Variants in NHSL1 observed in about 807,000 individuals in gnomAD.
NHSL1 encodes the protein NHS-like protein 1.
Under a neutral mutation model 95.0 loss-of-function variants are expected in NHSL1, and 48 were observed. The observed-to-expected ratio is 0.51, with a 90% CI of 0.40 to 0.64. NHSL1 has a LOEUF of 0.64. NHSL1 is among the 30% of genes least tolerant of loss of function. NHSL1 has a pLI of 0.00. For missense variants in NHSL1, 1,971 were observed against 2,077.7 expected (o/e 0.95, Z 1.00); for synonymous variants, 783 against 833.9 (o/e 0.94, Z 1.05).
At chr6:138,491,391 G>T (rs553522601) in intron 2 of NHSL1, among the ~76,000 whole-genome samples, 3 of 152,260 alleles carry the variant, frequency 2.0e-5, no homozygotes, top group African/African-American at 7.2e-5. Flanking sequence ...GTTGTCAAAT[G>T]AAGTCTACAG....
intron 4 of NHSL1, among the ~76,000 whole-genome samples, chr6:138,445,531 A>C (rs1185918765): frequency 6.6e-6 from 1 of 152,218 alleles, no homozygotes; most frequent in African/African-American, 2.4e-5. Context: ...TTTAAGTAAA[A>C]TAAATGTGGA....
At chr6:138,500,031 T>C (rs1286643166), upstream of NHSL1, among the ~76,000 whole-genome samples, 1 of 151,980 alleles carries the variant, frequency 6.6e-6, no homozygotes, top group Non-Finnish European at 1.5e-5. Flanking sequence ...GAATCAGCAT[T>C]GTGTGTTCCA....
intron 1 of NHSL1, among the ~76,000 whole-genome samples, chr6:138,568,766 T>C (rs955723933): frequency 7.2e-5 from 11 of 152,302 alleles, no homozygotes; most frequent in African/African-American, 2.6e-4. Flanking sequence ...TGCATACTAG[T>C]AGCTTCTAAT....
intron 1 of NHSL1, among the ~76,000 whole-genome samples, chr6:138,643,023 T>C (rs1329087894): frequency 5.3e-5 from 8 of 152,162 alleles, no homozygotes; most frequent in Non-Finnish European, 8.8e-5. Flanking sequence ...ATCCCTACCA[T>C]GAGCTTAAAA....
intron 3 of NHSL1, among the ~76,000 whole-genome samples, chr6:138,469,948 T>C (rs771411926): frequency 5.9e-5 from 9 of 151,932 alleles, no homozygotes; most frequent in Non-Finnish European, 1.3e-4. Context: ...AAGAGAAGAA[T>C]GTTAAGGAAA....
chr6:138,472,538 G>T (rs1227585286), intron 3 of NHSL1, among the ~76,000 whole-genome samples: 1 of 152,152 alleles, frequency 6.6e-6, no homozygotes, highest in East Asian at 1.9e-4. Context: ...TAATTCCATT[G>T]AAAGTTTTTA....
chr6:138,524,836 T>C (rs1781833203), intron 1 of NHSL1, among the ~76,000 whole-genome samples: 1 of 152,098 alleles, frequency 6.6e-6, no homozygotes, highest in African/African-American at 2.4e-5. Flanking sequence ...CACAAAAAAA[T>C]ATTGAAGGAT....
intron 1 of NHSL1, among the ~76,000 whole-genome samples, chr6:138,634,992 A>T (rs1171640148): frequency 6.6e-6 from 1 of 152,066 alleles, no homozygotes; most frequent in African/African-American, 2.4e-5. Context: ...CTTAAATGAT[A>T]ATGGAAATAC....
rs1482991775 is a variant in NHSL1, at chr6:138,433,090, A to G, written c.1255T>C (p.Ser419Pro). The G allele has an allele frequency of 9.0e-6, 14 of 1,551,092 alleles. No individual in the cohort carries two copies. The South Asian group carries it at 1.4e-4, about 16-fold the overall frequency. Residue 419 changes from serine (S) to proline (P), a missense_variant, in exon 6 of 8, where the codon TCT becomes CCT. Transcript: ENST00000343505. ...STSIIPNATL[S>P]SSSEVIAIPT... ...ATAGCGATGACCTCGGAAGAGGAAG[A>G]CAGTGTGGCATTTGGGATGATGCTG...
chr6:138,602,510 T>G (rs1475793739), intron 1 of NHSL1, among the ~76,000 whole-genome samples: 2 of 152,036 alleles, frequency 1.3e-5, no homozygotes, highest in Non-Finnish European at 2.9e-5. Flanking sequence ...CCCAGCTAAT[T>G]TTTGTATTTT....
At chr6:138,599,305 A>G (rs565797213) in intron 1 of NHSL1, among the ~76,000 whole-genome samples, 4 of 152,190 alleles carry the variant, frequency 2.6e-5, no homozygotes, top group Non-Finnish European at 5.9e-5. Context: ...TGAGGTCAAG[A>G]GTTCGAGACC....
chr6:138,566,185 G>A (rs1333310733), intron 1 of NHSL1, among the ~76,000 whole-genome samples: 1 of 151,954 alleles, frequency 6.6e-6, no homozygotes, highest in Non-Finnish European at 1.5e-5. Flanking sequence ...ATCACCTGAG[G>A]TCAGGAGTTC....
At chr6:138,437,074 C>T (rs1277984018) in intron 5 of NHSL1, among the ~76,000 whole-genome samples, 2 of 151,874 alleles carry the variant, frequency 1.3e-5, no homozygotes, top group East Asian at 3.9e-4. Flanking sequence ...GAGTTCGAGA[C>T]CAGCCTGAAC....
chr6:138,434,591 A>G (rs1426224255), intron 5 of NHSL1, among the ~76,000 whole-genome samples: 2 of 152,186 alleles, frequency 1.3e-5, no homozygotes, highest in East Asian at 3.8e-4. Context: ...ACTGAGAAAA[A>G]AAAAAGTCAA....
intron 1 of NHSL1, among the ~76,000 whole-genome samples, chr6:138,629,678 C>G (rs971067189): frequency 6.6e-6 from 1 of 152,164 alleles, no homozygotes; most frequent in Non-Finnish European, 1.5e-5. Context: ...CCACCACGCC[C>G]GGCCTTACAT....
intron 3 of NHSL1, among the ~76,000 whole-genome samples, chr6:138,449,874 C>G (rs1437813675): frequency 6.6e-6 from 1 of 152,040 alleles, no homozygotes; most frequent in Non-Finnish European, 1.5e-5. Flanking sequence ...AAATAAAACA[C>G]ATAAAATGAT....
intron 1 of NHSL1, among the ~76,000 whole-genome samples, chr6:138,619,657 C>T (rs528223491): frequency 6.6e-6 from 1 of 152,188 alleles, no homozygotes; most frequent in Admixed American, 6.5e-5. Context: ...CATGGTGACT[C>T]ACACCTGTAA....
At chr6:138,616,825 G>A (rs1033413520) in intron 1 of NHSL1, among the ~76,000 whole-genome samples, 15 of 152,314 alleles carry the variant, frequency 9.8e-5, no homozygotes, top group African/African-American at 3.4e-4. Flanking sequence ...GCCAGAACCA[G>A]GTCAAAGAAA....
At chr6:138,684,211 CA>C (rs34122069) in intron 1 of NHSL1, among the ~76,000 whole-genome samples, 65,458 of 129,626 alleles carry the variant, frequency 0.5, 16,471 homozygotes, top group African/African-American at 0.71. Flanking sequence ...GACTCCCTCT[CA>C]AAAAAAAAAA....
Sources: allele counts gnomAD v4.1 joint callset (sites outside exome capture counted in the v4.1 genomes callset), GRCh38; gene constraint gnomAD v4.1.1; transcripts MANE v1.5; gene names NCBI Gene and HGNC (gene_info 2026-07-23, HGNC 2026-07-21).